TMTC3: variants seen among roughly 807,000 people sequenced by gnomAD.
TMTC3 encodes protein O-mannosyl-transferase TMTC3.
A neutral mutation model predicts 92.2 loss-of-function variants in TMTC3; 52 were observed. The ratio of observed to expected loss-of-function variants is 0.56; its 90% CI spans 0.45 to 0.71. The LOEUF is 0.71. Ranked by LOEUF, TMTC3 falls within the 30% of genes least tolerant of loss-of-function variation. The pLI is 0.00. For synonymous variants in TMTC3, 339 were observed against 363.3 expected (o/e 0.93, Z 0.76); for missense variants, 896 against 1,057.1 (o/e 0.85, Z 2.11).
chr12:88,153,021 A>G (rs1211702518), intron 2 of TMTC3, among the ~76,000 whole-genome samples: 3 of 152,274 alleles, frequency 2.0e-5, no homozygotes, highest in African/African-American at 4.8e-5. Context: ...TTGAAGAGGA[A>G]TTAATTGTCA....
At chr12:88,150,456 T>C (rs2040929294) in intron 2 of TMTC3, among the ~76,000 whole-genome samples, 1 of 152,204 alleles carries the variant, frequency 6.6e-6, no homozygotes, top group Non-Finnish European at 1.5e-5. Context: ...CATACCATGG[T>C]GTCAGTGATC....
At chr12:88,189,409 A>C (rs1482035336) in intron 11 of TMTC3, among the ~76,000 whole-genome samples, 2 of 152,162 alleles carry the variant, frequency 1.3e-5, no homozygotes, top group Non-Finnish European at 2.9e-5. Context: ...ACTTAATTTT[A>C]AAAATTGTTT....
chr12:88,165,155 T>C (rs2041130066), intron 6 of TMTC3, among the ~76,000 whole-genome samples: 1 of 152,128 alleles, frequency 6.6e-6, no homozygotes, highest in South Asian at 2.1e-4. Flanking sequence ...TATAAATATT[T>C]TCCAAATAAA....
chr12:88,143,825 A>G (rs978301510), intron 1 of TMTC3, among the ~76,000 whole-genome samples: 41 of 152,266 alleles, frequency 2.7e-4, no homozygotes, highest in African/African-American at 9.1e-4. Flanking sequence ...GTGGTAGACT[A>G]AGGATTGTTA....
chr12:88,195,699 T>C lies in TMTC3; in HGVS notation c.*50T>C, dbSNP rs2041504707. 1 of 1,470,592 alleles carries C rather than the reference T, an allele frequency of 6.8e-7. No individual in the cohort carries two copies. Among genetic ancestry groups the C allele is most frequent in the Non-Finnish European group, 9.1e-7 (1 of 1,096,008 alleles). 91.1% of individuals were successfully genotyped at this position (1,470,592 alleles called of 1,614,324 possible). A position where few individuals can be genotyped will look rare whatever the true frequency, so the allele number is the denominator to read the frequency against. ...TATCAAAGAACATCAATCCGTATCA[T>C]GTGATTGCTTTTACTGGGAGCTTTG... On this transcript the variant is annotated 3_prime_UTR_variant, in exon 14 of 14. Transcript: ENST00000266712.
rs542423818 is a variant in TMTC3 at position 88,151,052 on chromosome 12, CAT to C, written c.190-2236_190-2235del. 8.6e-5 allele frequency among the ~76,000 whole-genome samples: 13 copies of C among 151,760 alleles called. No individual in the cohort carries two copies. The South Asian group carries it at 2.5e-3, about 29-fold the overall frequency. ...CCTGGGGCATTTAAAAGAATGAAAA[CAT>C]ATTACCAAGGCTCTGTCCAAACCTG... On this transcript the variant is annotated intron_variant, in intron 2 of 13. Transcript: ENST00000266712.
intron 2 of TMTC3, among the ~76,000 whole-genome samples, chr12:88,150,298 T>C (rs1180274701): frequency 6.6e-6 from 1 of 152,134 alleles, no homozygotes; most frequent in Non-Finnish European, 1.5e-5. Flanking sequence ...CAAGAACTCA[T>C]TGTAGCAAAT....
At chr12:88,165,318 C>T (rs543602017) in intron 6 of TMTC3, among the ~76,000 whole-genome samples, 14 of 151,778 alleles carry the variant, frequency 9.2e-5, no homozygotes, top group African/African-American at 2.4e-4. Flanking sequence ...AACTAAATTC[C>T]GAATAGTGAA....
intron 4 of TMTC3, among the ~76,000 whole-genome samples, chr12:88,158,980 A>C (rs896772022): frequency 2.0e-5 from 3 of 147,104 alleles, no homozygotes; most frequent in South Asian, 4.6e-4. Context: ...CAAAGCTGGG[A>C]GGCAGAGGTT....
intron 5 of TMTC3, 106 bp downstream of exon 5, chr12:88,160,335 ATG>A (rs2041061895): frequency 6.4e-6 from 4 of 627,180 alleles, no homozygotes; most frequent in Middle Eastern, 4.7e-4. Context: ...ATGTAAATTA[ATG>A]TGTTTACCAA....
Position 88,194,830 on chromosome 12 carries a change from C to T in TMTC3, c.1934-8C>T, listed in dbSNP as rs747882725. The T allele has an allele frequency of 3.4e-6, 5 of 1,490,920 alleles. No individual in the cohort carries two copies. Among genetic ancestry groups the T allele is most frequent in the Non-Finnish European group, 1.8e-6 (2 of 1,121,304 alleles). 92.4% of individuals were successfully genotyped at this position (1,490,920 alleles called of 1,614,324 possible). A position where few individuals can be genotyped will look rare whatever the true frequency, so the allele number is the denominator to read the frequency against. Reference sequence around the variant, plus strand: ...ACAATATATTTTTTCTTTAAAAAAACTTTCTAGGTGAGGTTAAACTCAGAC... The same window carrying T: ...ACAATATATTTTTTCTTTAAAAAAATTTTCTAGGTGAGGTTAAACTCAGAC... On this transcript the variant is annotated splice_polypyrimidine_tract_variant and splice_region_variant and intron_variant, in intron 13 of 13. Coordinates refer to ENST00000266712, the MANE Select transcript of TMTC3 (RefSeq NM_181783.4).
Position 88,187,689 on chromosome 12 carries a change from G to A in TMTC3, c.1433-1154G>A, listed in dbSNP as rs567810937. On this transcript the variant is annotated intron_variant, in intron 10 of 13. Transcript: ENST00000266712. ...TAAAACATTATATAGCAAGTTCTTA[G>A]GACTGTTACTCAGGGAATGCCCAAG... Among the ~76,000 whole-genome samples the A allele has an allele frequency of 2.0e-5, 3 of 152,280 alleles. No individual in the cohort carries two copies. In the South Asian group the frequency reaches 6.2e-4, roughly 32 times the overall value.
chr12:88,174,835 T>G, intron 9 of TMTC3, 108 bp downstream of exon 9: 2 of 1,327,624 alleles, frequency 1.5e-6, no homozygotes, highest in Non-Finnish European at 2.1e-6. Flanking sequence ...CAGTCAATAT[T>G]AAGTACTTTA....
At chr12:88,188,734 A>C in intron 10 of TMTC3, 109 bp from the exon 11 acceptor site, 1 of 558,238 alleles carries the variant, frequency 1.8e-6, no homozygotes, top group Non-Finnish European at 3.1e-6. Flanking sequence ...TCTTCTCATT[A>C]GTTACATTGA....
rs1565960092 is a variant in TMTC3, at chr12:88,192,600, A to C, written c.1707-4A>C. 4 of 1,592,390 alleles carry C rather than the reference A, an allele frequency of 2.5e-6. No homozygotes were observed. The African/African-American group carries it at 5.4e-5, about 21-fold the overall frequency. On this transcript the variant is annotated splice_polypyrimidine_tract_variant and splice_region_variant and intron_variant, in intron 12 of 13. Transcript: ENST00000266712. Reference sequence around the variant, plus strand: ...AGTAAAGCTTGTGTTTGATTTTTCCACAGAGGAGAATTGCTTTTAAAAATG... The same window carrying C: ...AGTAAAGCTTGTGTTTGATTTTTCCCCAGAGGAGAATTGCTTTTAAAAATG...
At chr12:88,190,766 T>G in intron 12 of TMTC3, 144 bp downstream of exon 12, 1 of 808,814 alleles carries the variant, frequency 1.2e-6, no homozygotes, top group Non-Finnish European at 1.9e-6. Context: ...AGAGCATAAC[T>G]TTTTAGACTG....
chr12:88,151,361 CTG>C (rs1346986208), intron 2 of TMTC3, among the ~76,000 whole-genome samples: 1 of 152,184 alleles, frequency 6.6e-6, no homozygotes, highest in Non-Finnish European at 1.5e-5. Flanking sequence ...TAACAGGGAA[CTG>C]TTAGCTTAAT....
chr12:88,168,381 T>TC (rs1372629897), intron 7 of TMTC3, among the ~76,000 whole-genome samples: 1 of 5,234 alleles, frequency 1.9e-4, no homozygotes, highest in Non-Finnish European at 3.9e-3. Context: ...ATAAACTTGA[T>TC]TAATTCCTCC....
rs923932542 is a variant in TMTC3, at chr12:88,199,828, G to T, written c.*4179G>T. The T allele has an allele frequency of 9.9e-5, 15 of 152,174 alleles. No individual in the cohort carries two copies. Among genetic ancestry groups the T allele is most frequent in the Non-Finnish European group, 1.6e-4 (11 of 68,022 alleles). The allele number at this position is 152,174 out of a possible 1,614,324, so 9.4% of individuals were successfully genotyped here. A position where few individuals can be genotyped will look rare whatever the true frequency, so the allele number is the denominator to read the frequency against. On this transcript the variant is annotated 3_prime_UTR_variant, in exon 14 of 14. Coordinates refer to ENST00000266712, the MANE Select transcript of TMTC3 (RefSeq NM_181783.4). ...ATGGATAGCATATTTCCATCAAGTAGCACGTATAACGTGATGCTTTCATGT... is the reference window on the plus strand; with the variant it reads ...ATGGATAGCATATTTCCATCAAGTATCACGTATAACGTGATGCTTTCATGT...
Sources: gnomAD v4.1 joint callset for allele counts (sites outside exome capture counted in the v4.1 genomes callset) on GRCh38, gnomAD v4.1.1 for gene constraint, MANE v1.5 for transcripts, NCBI Gene and HGNC (gene_info 2026-07-23, HGNC 2026-07-21) for gene names.